The following LRP1B variants were observed in gnomAD, a reference collection of about 807,000 sequenced individuals.
LRP1B encodes low-density lipoprotein receptor-related protein 1B.
In LRP1B, 217 loss-of-function variants were observed where a neutral mutation model predicts 556.6. The ratio of observed to expected loss-of-function variants is 0.39; its 90% CI spans 0.35 to 0.44. The LOEUF (loss-of-function observed/expected upper bound fraction) is 0.44, where lower values mean the gene tolerates loss of function less well. Ranked by LOEUF, LRP1B falls within the 20% of genes least tolerant of loss-of-function variation. The pLI, the probability that LRP1B is intolerant of heterozygous loss-of-function variation, is 1.00. For missense variants in LRP1B, 5,053 were observed against 5,620.8 expected (o/e 0.90, Z 3.23); for synonymous variants, 2,047 against 1,865.8 (o/e 1.10, Z -2.50).
intron 11 of LRP1B, among the ~76,000 whole-genome samples, chr2:141,045,515 A>G (rs1698843968): frequency 6.6e-6 from 1 of 152,116 alleles, no homozygotes; most frequent in Non-Finnish European, 1.5e-5. Flanking sequence ...CCTGGCAAGA[A>G]TGGCTAATTT....
intron 60 of LRP1B, among the ~76,000 whole-genome samples, chr2:140,473,706 A>G (rs1362176911): frequency 6.6e-6 from 1 of 151,904 alleles, no homozygotes; most frequent in Non-Finnish European, 1.5e-5. Flanking sequence ...AACAATATAT[A>G]TATAAATTTT....
At position 141,764,792 on chromosome 2, in the gene LRP1B, G is replaced by GA. The variant is rs556030339; in HGVS notation, c.205+45486dup. 2.3e-3 allele frequency among the ~76,000 whole-genome samples: 351 copies of GA among 151,724 alleles called. 2 individuals are homozygous for GA. Among genetic ancestry groups the GA allele is most frequent in the African/African-American group, 8.1e-3 (336 of 41,384 alleles). ...ACGAAACCTTATAATGAACTTAAGTGAAAAAAAATTCACACACAAAATAGT... is the reference window on the plus strand; with the variant it reads ...ACGAAACCTTATAATGAACTTAAGTGAAAAAAAAATTCACACACAAAATAGT... On this transcript the variant is annotated intron_variant, in intron 2 of 90. Coordinates refer to ENST00000389484, the MANE Select transcript of LRP1B (RefSeq NM_018557.3).
chr2:141,066,845 C>A (rs1175540547), intron 7 of LRP1B, among the ~76,000 whole-genome samples: 1 of 151,722 alleles, frequency 6.6e-6, no homozygotes, highest in Non-Finnish European at 1.5e-5. Flanking sequence ...TAACAAGATA[C>A]AAAATGGGGA....
intron 62 of LRP1B, among the ~76,000 whole-genome samples, chr2:140,454,622 T>C (rs1687022983): frequency 6.6e-6 from 1 of 152,206 alleles, no homozygotes; most frequent in Non-Finnish European, 1.5e-5. Context: ...TTAAAAATTA[T>C]AAATATTTTA....
At chr2:140,771,094 T>C (rs1689295453) in intron 33 of LRP1B, 88 bp from the exon 34 acceptor site, 1 of 888,000 alleles carries the variant, frequency 1.1e-6, no homozygotes, top group African/African-American at 1.8e-5. Flanking sequence ...GACAAATATG[T>C]ATGCTATTGA....
At chr2:140,486,333 T>C (rs1180237736) in intron 58 of LRP1B, among the ~76,000 whole-genome samples, 4 of 151,970 alleles carry the variant, frequency 2.6e-5, no homozygotes, top group East Asian at 1.9e-4. Context: ...AAAGTGGCAA[T>C]ATGCACATTT....
At chr2:141,524,519 C>A (rs1684630875) in intron 2 of LRP1B, among the ~76,000 whole-genome samples, 1 of 151,982 alleles carries the variant, frequency 6.6e-6, no homozygotes, top group South Asian at 2.1e-4. Flanking sequence ...GAATGCAGCC[C>A]AACACATATT....
intron 7 of LRP1B, chr2:141,167,481 A>T (rs1225404323): frequency 2.0e-5 from 3 of 151,848 alleles, no homozygotes; most frequent in Non-Finnish European, 4.4e-5. Context: ...ATAATAACAA[A>T]AGTTCTTCAT....
At chr2:141,172,712 T>C (rs1680556851) in intron 7 of LRP1B, among the ~76,000 whole-genome samples, 1 of 152,046 alleles carries the variant, frequency 6.6e-6, no homozygotes, top group African/African-American at 2.4e-5. Flanking sequence ...ATAAATAGAA[T>C]CTGATATATA....
rs892887692 is a variant in LRP1B at position 141,166,492 on chromosome 2, G to T, written c.1013+21929C>A. On this transcript the variant is annotated intron_variant, in intron 7 of 90. Transcript: ENST00000389484. ...TAACAATCATATCAGAGTAAATGGGGTATCCATCACTTCAAGCATTTATCA... is the reference window on the plus strand; with the variant it reads ...TAACAATCATATCAGAGTAAATGGGTTATCCATCACTTCAAGCATTTATCA... Among the ~76,000 whole-genome samples the T allele has an allele frequency of 2.6e-5, 4 of 150,972 alleles. No homozygotes were observed. In the East Asian group the frequency reaches 7.8e-4, roughly 29 times the overall value.
chr2:141,589,226 G>A (rs886275083), intron 2 of LRP1B, among the ~76,000 whole-genome samples: 7 of 151,220 alleles, frequency 4.6e-5, no homozygotes, highest in African/African-American at 1.4e-4. Context: ...AGAGATGAGC[G>A]TTTTGGATGA....
intron 3 of LRP1B, among the ~76,000 whole-genome samples, chr2:141,447,198 C>T (rs1384005893): frequency 6.6e-6 from 1 of 151,544 alleles, no homozygotes; most frequent in African/African-American, 2.4e-5. Flanking sequence ...TCTGCTTGAT[C>T]GATTTGGCTA....
intron 3 of LRP1B, among the ~76,000 whole-genome samples, chr2:141,259,042 C>T (rs1684588292): frequency 6.6e-6 from 1 of 152,134 alleles, no homozygotes; most frequent in African/African-American, 2.4e-5. Flanking sequence ...TATGAATACA[C>T]CTTCTCTATC....
intron 2 of LRP1B, among the ~76,000 whole-genome samples, chr2:141,772,193 C>A (rs1694923241): frequency 6.6e-6 from 1 of 152,106 alleles, no homozygotes; most frequent in Admixed American, 6.6e-5. Flanking sequence ...ACTGAATCTG[C>A]CTGCACCCCG....
chr2:141,787,429 A>C (rs1201432857), intron 2 of LRP1B, among the ~76,000 whole-genome samples: 1 of 151,964 alleles, frequency 6.6e-6, no homozygotes, highest in East Asian at 1.9e-4. Context: ...AGCTACTGAT[A>C]TATGCAATCA....
intron 20 of LRP1B, among the ~76,000 whole-genome samples, chr2:140,926,991 A>T (rs1290186122): frequency 2.0e-5 from 3 of 152,274 alleles, no homozygotes; most frequent in African/African-American, 7.2e-5. Context: ...AGGAACAACC[A>T]TCAGCTCCTT....
intron 49 of LRP1B, among the ~76,000 whole-genome samples, chr2:140,517,709 CTT>C (rs372100986): frequency 8.0e-6 from 1 of 125,442 alleles, no homozygotes. Context: ...TTTATCTTTC[CTT>C]TTTTTTTTTT....
At chr2:141,496,312 T>A (rs1683506051) in intron 2 of LRP1B, among the ~76,000 whole-genome samples, 2 of 151,944 alleles carry the variant, frequency 1.3e-5, no homozygotes, top group Non-Finnish European at 2.9e-5. Context: ...TACATCTGAA[T>A]CACCTAGAGG....
chr2:141,775,051 C>T (rs754862435), intron 2 of LRP1B, among the ~76,000 whole-genome samples: 2 of 152,212 alleles, frequency 1.3e-5, no homozygotes, highest in African/African-American at 4.8e-5. Flanking sequence ...ACCTGAATGA[C>T]AGTCTTAATA....
Sources: gnomAD v4.1 joint callset for allele counts (sites outside exome capture counted in the v4.1 genomes callset) on GRCh38, gnomAD v4.1.1 for gene constraint, MANE v1.5 for transcripts, NCBI Gene and HGNC (gene_info 2026-07-23, HGNC 2026-07-21) for gene names.